The following NDRG4 variants were observed in gnomAD, a reference collection of about 807,000 sequenced individuals.
The protein encoded by NDRG4 is NDRG family member 4.
NDRG4 carries 38 observed loss-of-function variants against 55.8 expected under a neutral mutation model. The observed-to-expected ratio is 0.68, with a 90% CI of 0.53 to 0.89. The LOEUF is 0.89. NDRG4 is among the 40% of genes least tolerant of loss of function. NDRG4 has a pLI of 0.00. For missense variants in NDRG4, 455 were observed against 468.6 expected, an observed-to-expected ratio of 0.97 and a Z score of 0.27; for synonymous variants, 190 against 182.7, an observed-to-expected ratio of 1.04 and a Z score of -0.32.
chr16:58,473,722 A>G (rs1189197032), intron 1 of NDRG4, among the ~76,000 whole-genome samples: 2 of 151,774 alleles, frequency 1.3e-5, no homozygotes, highest in Admixed American at 6.6e-5. Context: ...CACCTCCTGC[A>G]CTCCCGCTGT....
upstream of NDRG4, chr16:58,499,809 C>A: frequency 3.2e-6 from 1 of 311,402 alleles, no homozygotes. Flanking sequence ...CTGTGTGTAC[C>A]TGACATGGGT....
intron 1 of NDRG4, 189 bp downstream of exon 1, chr16:58,500,458 T>G: frequency 5.4e-6 from 3 of 552,108 alleles, no homozygotes; most frequent in Non-Finnish European, 8.2e-6. Flanking sequence ...TTTGCAGGAG[T>G]GGCTGGGGGC....
intron 2 of NDRG4, among the ~76,000 whole-genome samples, chr16:58,494,660 T>C (rs1251959238): frequency 6.6e-6 from 1 of 151,972 alleles, no homozygotes; most frequent in East Asian, 1.9e-4. Flanking sequence ...TTGGTCACTT[T>C]TGTTAACATT....
At chr16:58,504,821 A>T (rs2037641880) in intron 5 of NDRG4, 172 bp downstream of exon 5, 1 of 654,614 alleles carries the variant, frequency 1.5e-6, no homozygotes, top group Non-Finnish European at 2.6e-6. Flanking sequence ...TCCTCCAGGG[A>T]AATTAACTTT....
At chr16:58,500,103 C>G, upstream of NDRG4, 4 of 1,523,332 alleles carry the variant, frequency 2.6e-6, no homozygotes, top group Non-Finnish European at 3.5e-6. Context: ...TAGGCTGGGC[C>G]AGGATCCCTG....
intron 5 of NDRG4, chr16:58,505,935 T>C (rs1425509837): frequency 7.2e-6 from 2 of 278,330 alleles, no homozygotes; most frequent in Admixed American, 1.1e-4. Flanking sequence ...TTGGCTAGGC[T>C]GGTCTCGTAT....
Position 58,504,150 on chromosome 16 carries a change from GCAGA to G in NDRG4, c.128-1_130del. 1 of 1,614,066 alleles carries G rather than the reference GCAGA, an allele frequency of 6.2e-7. No homozygotes were observed. The highest frequency in any genetic ancestry group is 1.3e-5 in the African/African-American group (1 of 75,070). ...TCAGCCATAGTGGAAGTGTGTCTTT[GCAGA>G]CAAACTATGCTTCAACACCTTCTTC... On this transcript the variant is annotated splice_acceptor_variant and splice_polypyrimidine_tract_variant and coding_sequence_variant and intron_variant, in exon 3 of 15. Coordinates refer to ENST00000570248, the MANE Select transcript of NDRG4 (RefSeq NM_001242835.2). LOFTEE classifies it high-confidence loss of function.
In NDRG4 at chr16:58,494,924, A is replaced by G. The variant is rs780078724; in HGVS notation, c.73-40A>G. ...GCCCCACGGGCTCCCCAGACCAGCC[A>G]GGGCCTAACTTGCCACCCCCTCTGT... On this transcript the variant is annotated intron_variant, in intron 2 of 15. Transcript: ENST00000258187. 1.5e-5 allele frequency: 24 copies of G among 1,607,120 alleles called. No individual in the cohort carries two copies. The Admixed American group carries it at 3.7e-4, about 25-fold the overall frequency.
In NDRG4 at chr16:58,507,715, C is replaced by G; in HGVS notation, c.621-93C>G. ...TTATGCAGAGCAGGTCCACGCCTCC[C>G]TGCTTTACCAATTGGCAGTGTTGGG... On this transcript the variant is annotated intron_variant, in intron 8 of 14. Coordinates refer to ENST00000570248, the MANE Select transcript of NDRG4 (RefSeq NM_001242835.2). 3 of 1,274,902 alleles carry G rather than the reference C, an allele frequency of 2.4e-6. No homozygotes were observed. In the South Asian group the frequency reaches 3.8e-5, roughly 16 times the overall value. 79.0% of individuals were successfully genotyped at this position (1,274,902 alleles called of 1,614,324 possible). A position where few individuals can be genotyped will look rare whatever the true frequency, so the allele number is the denominator to read the frequency against.
At chr16:58,470,868 C>T (rs886728896) in intron 1 of NDRG4, among the ~76,000 whole-genome samples, 3 of 134,170 alleles carry the variant, frequency 2.2e-5, no homozygotes, top group Non-Finnish European at 3.1e-5. Context: ...GATTGTGCCA[C>T]TGCATTCTAG....
intron 2 of NDRG4, among the ~76,000 whole-genome samples, chr16:58,490,752 G>A (rs748518439): frequency 8.5e-5 from 13 of 152,186 alleles, no homozygotes; most frequent in Non-Finnish European, 1.0e-4. Context: ...CAAGGTGGGC[G>A]GGTCACCTGA....
intron 3 of NDRG4, chr16:58,495,065 C>G (rs1313845082): frequency 4.5e-6 from 7 of 1,568,004 alleles, no homozygotes; most frequent in Non-Finnish European, 6.1e-6. Context: ...GCCCCTCACC[C>G]CACCTGGCCA....
At position 58,487,675 on chromosome 16, in the gene NDRG4, G is replaced by C. The variant is rs1056221616; in HGVS notation, c.-23-81G>C. 2.4e-5 allele frequency: 29 copies of C among 1,185,526 alleles called. No individual in the cohort carries two copies. The African/African-American group carries it at 4.3e-4, about 18-fold the overall frequency. 73.4% of individuals were successfully genotyped at this position (1,185,526 alleles called of 1,614,324 possible). On this transcript the variant is annotated intron_variant, in intron 1 of 15. Coordinates refer to the NDRG4 transcript ENST00000258187. ...CAGTGCATCTGGTTTCCGCGCTCCCGCCCCAGCCCCGACTTGCGCTGTCCT... is the reference window on the plus strand; with the variant it reads ...CAGTGCATCTGGTTTCCGCGCTCCCCCCCCAGCCCCGACTTGCGCTGTCCT...
At chr16:58,475,764 C>T in intron 1 of NDRG4, 2 of 406,128 alleles carry the variant, frequency 4.9e-6, no homozygotes, top group Admixed American at 3.1e-5. Context: ...GTATTCCAGC[C>T]AGGAGGCAGG....
chr16:58,481,392 T>G (rs976348061), intron 1 of NDRG4, among the ~76,000 whole-genome samples: 8 of 152,276 alleles, frequency 5.3e-5, no homozygotes, highest in African/African-American at 1.9e-4. Context: ...CCCGGGTCTT[T>G]AGCCAGGAGT....
At chr16:58,472,988 ATCT>A (rs775449917) in intron 1 of NDRG4, among the ~76,000 whole-genome samples, 16 of 152,218 alleles carry the variant, frequency 1.1e-4, no homozygotes, top group African/African-American at 2.2e-4. Context: ...GTGCTGGGAC[ATCT>A]TCTTCCCTGT....
intron 1 of NDRG4, among the ~76,000 whole-genome samples, chr16:58,476,033 G>A (rs2033575288): frequency 6.6e-6 from 1 of 152,152 alleles, no homozygotes; most frequent in South Asian, 2.1e-4. Flanking sequence ...CTGACCTCAA[G>A]TGATCCACCT....
chr16:58,503,664 G>T, intron 1 of NDRG4, 134 bp from the exon 2 acceptor site: 1 of 1,528,600 alleles, frequency 6.5e-7, no homozygotes, highest in Non-Finnish European at 8.8e-7. Context: ...GGCTTCTTGG[G>T]GTGATGAGAA....
intron 1 of NDRG4, among the ~76,000 whole-genome samples, chr16:58,487,045 C>T (rs1490630218): frequency 6.6e-6 from 1 of 151,946 alleles, no homozygotes. Context: ...CCTCCAGAAC[C>T]CCACTGTCCC....
Sources: gnomAD v4.1 joint callset for allele counts (sites outside exome capture counted in the v4.1 genomes callset) on GRCh38, gnomAD v4.1.1 for gene constraint, MANE v1.5 for transcripts, NCBI Gene and HGNC (gene_info 2026-07-23, HGNC 2026-07-21) for gene names.